Variants in NYAP2 observed in about 807,000 individuals in gnomAD.
NYAP2 encodes neuronal tyrosine-phosphorylated phosphoinositide-3-kinase adaptor 2, also known as neuronal tyrosine-phosphorylated phosphoinositide-3-kinase adapter 2.
NYAP2 carries 23 observed loss-of-function variants against 50.4 expected under a neutral mutation model. That is an observed-to-expected ratio of 0.46 (90% CI 0.33 to 0.65). The LOEUF (loss-of-function observed/expected upper bound fraction) is 0.65. Among genes scored for constraint, NYAP2 ranks in the 30% least tolerant of loss-of-function variants. NYAP2 has a pLI of 0.02. For synonymous variants in NYAP2, 394 were observed against 365.2 expected, an observed-to-expected ratio of 1.08 and a Z score of -0.90; for missense variants, 885 against 861.0, an observed-to-expected ratio of 1.03 and a Z score of -0.35.
chr2:225,527,671 G>T (rs1434474454), intron 4 of NYAP2, among the ~76,000 whole-genome samples: 1 of 151,900 alleles, frequency 6.6e-6, no homozygotes, highest in Non-Finnish European at 1.5e-5. Context: ...CTGTGACAGG[G>T]TCTTTCTTCT....
intron 3 of NYAP2, among the ~76,000 whole-genome samples, chr2:225,436,165 A>G (rs529452683): frequency 1.3e-5 from 2 of 152,298 alleles, no homozygotes; most frequent in East Asian, 3.9e-4. Context: ...CTCTGCCCTG[A>G]CTTTTTCTGT....
intron 2 of NYAP2, among the ~76,000 whole-genome samples, chr2:225,404,997 A>G (rs1204238414): frequency 1.3e-5 from 2 of 152,060 alleles, no homozygotes; most frequent in Non-Finnish European, 2.9e-5. Flanking sequence ...ACAGTGTTGC[A>G]CTACTTGTAT....
At chr2:225,640,442 G>T (rs761530032) in intron 6 of NYAP2, among the ~76,000 whole-genome samples, 182 of 152,198 alleles carry the variant, frequency 1.2e-3, no homozygotes, top group Non-Finnish European at 2.2e-3. Context: ...ACAAAAGGAT[G>T]ACCCCTGCCT....
intron 4 of NYAP2, among the ~76,000 whole-genome samples, chr2:225,559,631 AG>A (rs1179748858): frequency 5.9e-5 from 9 of 152,190 alleles, no homozygotes; most frequent in African/African-American, 2.2e-4. Flanking sequence ...GGAAGTGAGG[AG>A]AAGTCATTAT....
chr2:225,518,838 G>A (rs138232162), intron 4 of NYAP2, among the ~76,000 whole-genome samples: 22 of 151,600 alleles, frequency 1.5e-4, no homozygotes, highest in African/African-American at 4.8e-4. Flanking sequence ...GGCCAACAAG[G>A]TGAAACCCCA....
chr2:225,461,280 A>C (rs1002269524), intron 3 of NYAP2, among the ~76,000 whole-genome samples: 1 of 152,226 alleles, frequency 6.6e-6, no homozygotes, highest in Admixed American at 6.5e-5. Context: ...GCTTTTTCAC[A>C]CAAGTGTGTA....
chr2:225,419,089 C>T (rs991741935), intron 3 of NYAP2, among the ~76,000 whole-genome samples: 3 of 152,116 alleles, frequency 2.0e-5, no homozygotes, highest in African/African-American at 7.2e-5. Flanking sequence ...CTGCCTTTTG[C>T]GCAGTTAGTG....
At chr2:225,490,705 AGGGCATG>A (rs1690388864) in intron 3 of NYAP2, among the ~76,000 whole-genome samples, 1 of 152,220 alleles carries the variant, frequency 6.6e-6, no homozygotes, top group Admixed American at 6.5e-5. Flanking sequence ...GGAACCTGAC[AGGGCATG>A]GGGCCTGATG....
At chr2:225,417,572 G>T (rs1459826826) in intron 3 of NYAP2, among the ~76,000 whole-genome samples, 1 of 151,966 alleles carries the variant, frequency 6.6e-6, no homozygotes, top group African/African-American at 2.4e-5. Context: ...GATGTACAAG[G>T]AAGATGTTTT....
At chr2:225,599,262 G>A (rs984697570) in intron 5 of NYAP2, among the ~76,000 whole-genome samples, 18 of 152,206 alleles carry the variant, frequency 1.2e-4, no homozygotes, top group African/African-American at 3.1e-4. Context: ...CTGAGGAAGC[G>A]AAAGAAAGAC....
At chr2:225,679,720 C>T in the NYAP2 span, among the ~76,000 whole-genome samples, 2 of 151,980 alleles carry the variant, frequency 1.3e-5, no homozygotes, top group African/African-American at 2.4e-5. Context: ...GTCTTGATCT[C>T]CTGACCTTGT....
At chr2:225,454,456 A>G (rs1689704421) in intron 3 of NYAP2, among the ~76,000 whole-genome samples, 1 of 152,234 alleles carries the variant, frequency 6.6e-6, no homozygotes, top group South Asian at 2.1e-4. Flanking sequence ...GAATTCAGTT[A>G]TGATGGTGAT....
the NYAP2 span, among the ~76,000 whole-genome samples, chr2:225,662,207 A>G: frequency 6.6e-6 from 1 of 152,246 alleles, no homozygotes; most frequent in Non-Finnish European, 1.5e-5. Flanking sequence ...CAAAGTTGAC[A>G]TGAGGTTGGG....
At chr2:225,676,657 G>A in the NYAP2 span, among the ~76,000 whole-genome samples, 339 of 152,152 alleles carry the variant, frequency 2.2e-3, 2 homozygotes, top group African/African-American at 7.7e-3. Flanking sequence ...TCACTATCAC[G>A]AGAACAGCAC....
intron 3 of NYAP2, among the ~76,000 whole-genome samples, chr2:225,450,723 A>T (rs1216508364): frequency 6.6e-6 from 1 of 152,188 alleles, no homozygotes; most frequent in African/African-American, 2.4e-5. Flanking sequence ...CACAAATGTT[A>T]ATCTTGTAAT....
intron 3 of NYAP2, among the ~76,000 whole-genome samples, chr2:225,472,055 C>T (rs761171850): frequency 5.3e-5 from 8 of 152,092 alleles, no homozygotes; most frequent in Non-Finnish European, 8.8e-5. Flanking sequence ...ATATTATTCC[C>T]ATTTTATCAG....
At chr2:225,631,254 C>G (rs1466050438) in intron 6 of NYAP2, among the ~76,000 whole-genome samples, 1 of 152,138 alleles carries the variant, frequency 6.6e-6, no homozygotes, top group Non-Finnish European at 1.5e-5. Flanking sequence ...AGAGTGTAAA[C>G]AGAATTTATA....
At chr2:225,640,843 A>G (rs1349136877) in intron 6 of NYAP2, among the ~76,000 whole-genome samples, 1 of 152,218 alleles carries the variant, frequency 6.6e-6, no homozygotes, top group African/African-American at 2.4e-5. Context: ...AAACACATGC[A>G]TACAGTATGA....
At chr2:225,614,161 C>T (rs942251538) in intron 5 of NYAP2, among the ~76,000 whole-genome samples, 3 of 151,998 alleles carry the variant, frequency 2.0e-5, no homozygotes, top group African/African-American at 4.8e-5. Context: ...TCATCTCAAC[C>T]CCAAGCCAGG....
Sources: allele counts gnomAD v4.1 joint callset (sites outside exome capture counted in the v4.1 genomes callset), GRCh38; gene constraint gnomAD v4.1.1; transcripts MANE v1.5; gene names NCBI Gene and HGNC (gene_info 2026-07-23, HGNC 2026-07-21).